Variants in GRIK1 observed in about 807,000 individuals in gnomAD.
GRIK1 encodes glutamate ionotropic receptor kainate type subunit 1.
In GRIK1, 69 loss-of-function variants were observed where a neutral mutation model predicts 105.7. The ratio of observed to expected loss-of-function variants is 0.65; its 90% CI spans 0.54 to 0.80. The LOEUF is 0.80. Ranked by LOEUF, GRIK1 falls within the 30% of genes least tolerant of loss-of-function variation. The probability of loss-of-function intolerance (pLI) is 0.00; values close to 1 mark genes in which losing one functional copy is unlikely to be tolerated. For synonymous variants in GRIK1, 438 were observed against 431.3 expected (o/e 1.02, Z -0.19); for missense variants, 1,109 against 1,167.3 (o/e 0.95, Z 0.73).
intron 7 of GRIK1, among the ~76,000 whole-genome samples, chr21:29,637,859 G>A (rs1409982620): frequency 6.6e-6 from 1 of 152,196 alleles, no homozygotes; most frequent in African/African-American, 2.4e-5. Flanking sequence ...CATGTGTGTG[G>A]TCTATGATTG....
chr21:29,713,962 A>G (rs1434197036), intron 1 of GRIK1, among the ~76,000 whole-genome samples: 1 of 152,140 alleles, frequency 6.6e-6, no homozygotes, highest in Admixed American at 6.6e-5. Context: ...AGTCTCAGCA[A>G]CTGTATACTG....
chr21:29,541,229 G>A lies in GRIK1; in HGVS notation c.2608-3345C>T, dbSNP rs190699430. ...GATCCACCCCCCTTGGCCTTGCAAAGTGCTGGGATTACAGGCGTAAGCCAC... is the reference window on the plus strand; with the variant it reads ...GATCCACCCCCCTTGGCCTTGCAAAATGCTGGGATTACAGGCGTAAGCCAC... On this transcript the variant is annotated intron_variant, in intron 16 of 17. Coordinates refer to ENST00000327783, the MANE Select transcript of GRIK1 (RefSeq NM_001330994.2). Among the ~76,000 whole-genome samples the A allele has an allele frequency of 1.2e-3, 187 of 152,326 alleles. 2 individuals carry two copies. The highest frequency in any genetic ancestry group is 0.01 in the Admixed American group (156 of 15,302).
At chr21:29,913,783 G>T (rs1014639471) in intron 1 of GRIK1, among the ~76,000 whole-genome samples, 5 of 151,222 alleles carry the variant, frequency 3.3e-5, no homozygotes, top group Admixed American at 6.6e-5. Flanking sequence ...ATATCAATTG[G>T]TTTTTCTTGG....
At chr21:29,819,839 G>A (rs1166318218) in intron 1 of GRIK1, among the ~76,000 whole-genome samples, 3 of 151,868 alleles carry the variant, frequency 2.0e-5, no homozygotes, top group African/African-American at 7.3e-5. Context: ...CAGATGACAG[G>A]GACCGCCTGC....
chr21:29,541,155 A>G (rs1288208336), intron 16 of GRIK1, among the ~76,000 whole-genome samples: 1 of 152,116 alleles, frequency 6.6e-6, no homozygotes, highest in African/African-American at 2.4e-5. Flanking sequence ...TTTAGTAGAG[A>G]TGTGGTTTCA....
chr21:29,865,505 A>T (rs986940547), intron 1 of GRIK1, among the ~76,000 whole-genome samples: 1 of 151,794 alleles, frequency 6.6e-6, no homozygotes, highest in Admixed American at 6.6e-5. Flanking sequence ...CACAGTAAAC[A>T]CAATGAAATG....
At chr21:29,753,023 G>A (rs1328347287) in intron 1 of GRIK1, among the ~76,000 whole-genome samples, 1 of 152,178 alleles carries the variant, frequency 6.6e-6, no homozygotes, top group African/African-American at 2.4e-5. Context: ...AATATGCACA[G>A]CACCCTATGC....
chr21:29,930,970 C>T (rs2071545337), intron 1 of GRIK1, among the ~76,000 whole-genome samples: 1 of 152,130 alleles, frequency 6.6e-6, no homozygotes, highest in African/African-American at 2.4e-5. Context: ...GAAACCTTGA[C>T]ATGGGTTGAA....
At chr21:29,809,530 A>G (rs527495272) in intron 1 of GRIK1, among the ~76,000 whole-genome samples, 2 of 152,158 alleles carry the variant, frequency 1.3e-5, no homozygotes, top group African/African-American at 4.8e-5. Flanking sequence ...TTGGCTTAAG[A>G]GGCTCTTGCG....
chr21:29,694,074 A>C lies in GRIK1; in HGVS notation c.119-11T>G. The C allele has an allele frequency of 1.3e-6, 2 of 1,595,344 alleles. No individual in the cohort carries two copies. Among genetic ancestry groups the C allele is most frequent in the Non-Finnish European group, 1.7e-6 (2 of 1,163,144 alleles). ...TTTCAAAAATCCCTCCTGCAGAAGC[A>C]AAAGAGATGCATGAGAAGCGTTAGT... is the stretch of plus-strand genomic sequence containing the variant. On this transcript the variant is annotated splice_polypyrimidine_tract_variant and intron_variant, in intron 1 of 17. Transcript: ENST00000327783.
rs746842761 is a variant in GRIK1, at chr21:29,900,459, C to CAAAAAAAAAAAAAAAA, written c.118+38923_118+38924insTTTTTTTTTTTTTTTT. ...GAAGATCTACCAAACAAATGGAAAG[C>CAAAAAAAAAAAAAAAA]AAGAAAAAAAAAAAAAAAAAGCAAG... is the stretch of plus-strand genomic sequence containing the variant. On this transcript the variant is annotated intron_variant, in intron 1 of 17. Coordinates refer to ENST00000327783, the MANE Select transcript of GRIK1 (RefSeq NM_001330994.2). Among the ~76,000 whole-genome samples, 11 of 78,316 alleles carry CAAAAAAAAAAAAAAAA rather than the reference C, an allele frequency of 1.4e-4. 1 individual carries two copies. Among genetic ancestry groups the CAAAAAAAAAAAAAAAA allele is most frequent in the South Asian group, 4.5e-4 (1 of 2,208 alleles). 51.4% of individuals were successfully genotyped at this position (78,316 alleles called of 152,430 possible).
chr21:29,690,890 C>T (rs530196774), intron 2 of GRIK1, among the ~76,000 whole-genome samples: 3 of 152,204 alleles, frequency 2.0e-5, no homozygotes, highest in Admixed American at 6.5e-5. Flanking sequence ...TATATAAATA[C>T]AGTTTGACAT....
At chr21:29,820,779 T>C (rs190941037) in intron 1 of GRIK1, among the ~76,000 whole-genome samples, 75 of 152,066 alleles carry the variant, frequency 4.9e-4, no homozygotes, top group Non-Finnish European at 9.7e-4. Context: ...TTAAGTGACA[T>C]ACATACGTTA....
chr21:29,754,216 C>T (rs1283319362), intron 1 of GRIK1, among the ~76,000 whole-genome samples: 2 of 152,034 alleles, frequency 1.3e-5, no homozygotes, highest in East Asian at 1.9e-4. Context: ...TGGATTTTTC[C>T]ATACTAATGA....
intron 1 of GRIK1, among the ~76,000 whole-genome samples, chr21:29,731,547 C>T (rs1444418629): frequency 2.0e-5 from 3 of 152,168 alleles, no homozygotes; most frequent in Non-Finnish European, 2.9e-5. Flanking sequence ...TTGTCTATAG[C>T]TGATCTGGGC....
At position 29,707,156 on chromosome 21, in the gene GRIK1, G is replaced by A. The variant is rs142565130; in HGVS notation, c.119-13093C>T. Among the ~76,000 whole-genome samples the A allele has an allele frequency of 4.6e-3, 703 of 152,246 alleles. 7 individuals carry two copies. The highest frequency in any genetic ancestry group is 0.016 in the African/African-American group (681 of 41,542). ...TGGGATTACAGGCGTGAGCCACCGC[G>A]CCCGGGCTATTCCAGGCATTTTACT... is the stretch of plus-strand genomic sequence containing the variant. On this transcript the variant is annotated intron_variant, in intron 1 of 17. Transcript: ENST00000327783.
chr21:29,684,290 CT>C (rs1319110199), intron 3 of GRIK1, among the ~76,000 whole-genome samples: 2 of 150,612 alleles, frequency 1.3e-5, no homozygotes, highest in South Asian at 2.1e-4. Flanking sequence ...ATCTATCTAT[CT>C]ATCTATCATC....
At chr21:29,840,954 T>C (rs142480878) in intron 1 of GRIK1, among the ~76,000 whole-genome samples, 72 of 152,278 alleles carry the variant, frequency 4.7e-4, no homozygotes, top group Middle Eastern at 3.4e-3. Context: ...TAGACATGGC[T>C]TAGCAACTGG....
chr21:29,784,548 T>G (rs533272482), intron 1 of GRIK1, among the ~76,000 whole-genome samples: 7 of 152,304 alleles, frequency 4.6e-5, no homozygotes, highest in African/African-American at 1.7e-4. Flanking sequence ...ACAACTTCTT[T>G]TTCTTCTTTG....
Sources: gnomAD v4.1 joint callset for allele counts (sites outside exome capture counted in the v4.1 genomes callset) on GRCh38, gnomAD v4.1.1 for gene constraint, MANE v1.5 for transcripts, NCBI Gene and HGNC (gene_info 2026-07-23, HGNC 2026-07-21) for gene names.